MGAT5: variants seen among roughly 807,000 people sequenced by gnomAD.
MGAT5 encodes alpha-1,6-mannosylglycoprotein 6-beta-N-acetylglucosaminyltransferase A.
MGAT5 carries 30 observed loss-of-function variants against 94.3 expected under a neutral mutation model. The ratio of observed to expected loss-of-function variants is 0.32; its 90% CI spans 0.24 to 0.43. MGAT5 has a LOEUF of 0.43. Ranked by LOEUF, MGAT5 falls within the 20% of genes least tolerant of loss-of-function variation. The pLI is 1.00. For missense variants in MGAT5, 691 were observed against 905.5 expected (o/e 0.76, Z 3.04); for synonymous variants, 310 against 322.9 (o/e 0.96, Z 0.43).
chr2:134,372,799 T>A (rs1376847413), intron 10 of MGAT5, among the ~76,000 whole-genome samples: 1 of 152,198 alleles, frequency 6.6e-6, no homozygotes, highest in Non-Finnish European at 1.5e-5. Flanking sequence ...CCCAGCAGCA[T>A]AAACAGCTAA....
At chr2:134,357,061 A>T (rs1265735744) in intron 9 of MGAT5, among the ~76,000 whole-genome samples, 1 of 152,084 alleles carries the variant, frequency 6.6e-6, no homozygotes, top group Admixed American at 6.5e-5. Flanking sequence ...TGCTTTGTTT[A>T]TTGCTGGAAC....
intron 1 of MGAT5, among the ~76,000 whole-genome samples, chr2:134,207,367 T>C (rs1186061549): frequency 1.3e-5 from 2 of 152,178 alleles, no homozygotes; most frequent in Non-Finnish European, 2.9e-5. Context: ...GGAGCTGTTA[T>C]TTTGCCTTAA....
At chr2:134,177,649 T>G (rs889822282) in intron 1 of MGAT5, among the ~76,000 whole-genome samples, 8 of 152,214 alleles carry the variant, frequency 5.3e-5, no homozygotes, top group Admixed American at 1.3e-4. Flanking sequence ...ATTAATCTAT[T>G]ACGCCTGGGC....
In MGAT5 at chr2:134,381,398, A is replaced by AT. The variant is rs1427583640; in HGVS notation, c.1380+18991dup. 7.3e-3 allele frequency among the ~76,000 whole-genome samples: 715 copies of AT among 97,316 alleles called. 5 individuals carry two copies. Among genetic ancestry groups the AT allele is most frequent in the African/African-American group, 0.021 (524 of 25,426 alleles). The allele number at this position is 97,316 out of a possible 152,430, so 63.8% of individuals were successfully genotyped here. On this transcript the variant is annotated intron_variant, in intron 10 of 15. Transcript: ENST00000281923. ...TAAGATAGATTAGATAGATAGATAGATAGATAGATAGATAGATAGATAGAT... is the reference window on the plus strand; with the variant it reads ...TAAGATAGATTAGATAGATAGATAGATTAGATAGATAGATAGATAGATAGAT...
At chr2:134,344,207 C>T (rs1173868212) in intron 7 of MGAT5, among the ~76,000 whole-genome samples, 1 of 152,136 alleles carries the variant, frequency 6.6e-6, no homozygotes, top group African/African-American at 2.4e-5. Flanking sequence ...CAATCAAGTA[C>T]ATCGTCACGC....
intron 2 of MGAT5, 105 bp from the exon 3 acceptor site, chr2:134,317,418 AACAGAG>A: frequency 1.6e-6 from 1 of 644,514 alleles, no homozygotes; most frequent in Non-Finnish European, 2.5e-6. Context: ...CATGGCTGCC[AACAGAG>A]ACCTTTCTTT....
chr2:134,351,574 G>T (rs1019440405), intron 9 of MGAT5, among the ~76,000 whole-genome samples: 2 of 152,244 alleles, frequency 1.3e-5, no homozygotes, highest in African/African-American at 4.8e-5. Context: ...GAGAATTTCA[G>T]CAGTATTGGT....
intron 1 of MGAT5, among the ~76,000 whole-genome samples, chr2:134,264,643 ATTATC>A: frequency 6.6e-6 from 1 of 151,610 alleles, no homozygotes; most frequent in South Asian, 2.1e-4. Flanking sequence ...CTGTAACTCT[ATTATC>A]TTTCTGTGGA....
At chr2:134,352,787 A>G (rs1434787255) in intron 9 of MGAT5, among the ~76,000 whole-genome samples, 2 of 152,232 alleles carry the variant, frequency 1.3e-5, no homozygotes, top group Non-Finnish European at 2.9e-5. Context: ...CCTAATAGCC[A>G]TGAGATAGAA....
At chr2:134,198,316 T>C (rs1679598610) in intron 1 of MGAT5, among the ~76,000 whole-genome samples, 1 of 152,224 alleles carries the variant, frequency 6.6e-6, no homozygotes, top group Non-Finnish European at 1.5e-5. Context: ...TTCCTTGCTG[T>C]CAAGCTCTGT....
intron 9 of MGAT5, among the ~76,000 whole-genome samples, chr2:134,355,247 G>A (rs1167534718): frequency 1.3e-5 from 2 of 152,154 alleles, no homozygotes; most frequent in African/African-American, 2.4e-5. Context: ...CCTAACCCTG[G>A]TGTAACTTTT....
At chr2:134,383,060 G>A (rs1381646266) in intron 10 of MGAT5, among the ~76,000 whole-genome samples, 1 of 152,196 alleles carries the variant, frequency 6.6e-6, no homozygotes, top group Non-Finnish European at 1.5e-5. Flanking sequence ...CAAGGTACCA[G>A]TAAAATAATG....
chr2:134,333,229 A>T (rs1382815444), intron 4 of MGAT5, among the ~76,000 whole-genome samples: 1 of 152,082 alleles, frequency 6.6e-6, no homozygotes. Context: ...TGTGGCACAT[A>T]TACACCGTGG....
chr2:134,206,176 C>G (rs1680013414), intron 1 of MGAT5, among the ~76,000 whole-genome samples: 1 of 152,094 alleles, frequency 6.6e-6, no homozygotes, highest in Admixed American at 6.5e-5. Context: ...TTCCCCTAAG[C>G]TTTGCTTTGA....
At chr2:134,417,797 T>C (rs1047772869) in intron 12 of MGAT5, among the ~76,000 whole-genome samples, 1 of 152,148 alleles carries the variant, frequency 6.6e-6, no homozygotes, top group African/African-American at 2.4e-5. Context: ...TGGATTTGTA[T>C]AGTGTCACAT....
At chr2:134,204,841 C>T (rs1310394234) in intron 1 of MGAT5, among the ~76,000 whole-genome samples, 1 of 152,086 alleles carries the variant, frequency 6.6e-6, no homozygotes, top group Non-Finnish European at 1.5e-5. Context: ...ACTCCATCGA[C>T]AAACAATTAA....
intron 11 of MGAT5, among the ~76,000 whole-genome samples, chr2:134,404,324 C>T (rs1683221446): frequency 6.6e-6 from 1 of 152,150 alleles, no homozygotes; most frequent in African/African-American, 2.4e-5. Flanking sequence ...CTCAGTTGTC[C>T]AATCATTATG....
At chr2:134,141,802 G>A (rs1426511474) in intron 1 of MGAT5, among the ~76,000 whole-genome samples, 2 of 152,226 alleles carry the variant, frequency 1.3e-5, no homozygotes, top group Non-Finnish European at 2.9e-5. Flanking sequence ...CATTCCCAGA[G>A]CCTAGAGGAC....
rs900474747 is a variant in MGAT5, at chr2:134,453,787, G to C, written c.*4940G>C. 1 of 152,224 alleles carries C rather than the reference G, an allele frequency of 6.6e-6. No individual in the cohort carries two copies. The highest frequency in any genetic ancestry group is 2.4e-5 in the African/African-American group (1 of 41,452). The allele number at this position is 152,224 out of a possible 1,614,324, so 9.4% of individuals were successfully genotyped here. ...TTTTGGCCTCTCAGAACAGCTCCTA[G>C]AGGCTGCTCATGACTGAATGTTTTC... On this transcript the variant is annotated 3_prime_UTR_variant, in exon 16 of 16. Transcript: ENST00000281923.
Sources: allele counts gnomAD v4.1 joint callset (sites outside exome capture counted in the v4.1 genomes callset), GRCh38; gene constraint gnomAD v4.1.1; transcripts MANE v1.5; gene names NCBI Gene and HGNC (gene_info 2026-07-23, HGNC 2026-07-21).